GRIA3: variants seen among roughly 807,000 people sequenced by gnomAD.
GRIA3 encodes glutamate ionotropic receptor AMPA type subunit 3.
Under a neutral mutation model 63.0 loss-of-function variants are expected in GRIA3, and 3 were observed. The observed-to-expected ratio is 0.05, with a 90% CI of 0.02 to 0.12. The LOEUF is 0.12. Ranked by LOEUF, GRIA3 falls within the 10% of genes least tolerant of loss-of-function variation. The pLI is 1.00. For missense variants in GRIA3, 347 were observed against 700.9 expected (o/e 0.50, Z 5.70); for synonymous variants, 274 against 257.9 (o/e 1.06, Z -0.60).
intron 12 of GRIA3, among the ~76,000 whole-genome samples, chrX:123,463,609 AGG>A (rs2045809085): frequency 3.5e-5 from 1 of 28,185 alleles, no homozygotes; most frequent in Non-Finnish European, 6.4e-5. Flanking sequence ...GGAGGGAGGG[AGG>A]GAAAGAAAGA....
At chrX:123,414,970 A>T (rs1240152962) in intron 10 of GRIA3, among the ~76,000 whole-genome samples, 1 of 111,905 alleles carries the variant, frequency 8.9e-6, no homozygotes, top group Non-Finnish European at 1.9e-5. Context: ...TGGTATTTCT[A>T]GTTCTATATT....
chrX:123,308,099 G>A (rs80231457), intron 3 of GRIA3, among the ~76,000 whole-genome samples: 2 of 111,645 alleles, frequency 1.8e-5, no homozygotes, highest in African/African-American at 6.5e-5. Context: ...TCCCCTGCTA[G>A]CCCTACACTG....
At position 123,490,252 on chromosome X, in the gene GRIA3, A is replaced by G. The variant is rs989674933; in HGVS notation, c.*1542A>G. On this transcript the variant is annotated 3_prime_UTR_variant, in exon 16 of 16. Coordinates refer to ENST00000620443, the MANE Select transcript of GRIA3 (RefSeq NM_007325.5). The stretch of plus-strand genomic sequence containing the variant: ...TCGCTGCATATTTGCTCTTGTCTTC[A>G]GAAAAGAAAGGAAGAAGTATCGTTC... The G allele has an allele frequency of 1.8e-5, 2 of 112,994 alleles. No individual in the cohort carries two copies. The highest frequency in any genetic ancestry group is 3.7e-5 in the Non-Finnish European group (2 of 53,378). The allele number at this position is 112,994 out of a possible 1,213,427, so 9.3% of individuals were successfully genotyped here.
chrX:123,425,588 G>A (rs2045585227), intron 11 of GRIA3, among the ~76,000 whole-genome samples: 1 of 112,095 alleles, frequency 8.9e-6, no homozygotes, highest in African/African-American at 3.2e-5. Context: ...AGGTCTAAAT[G>A]CATAATCAAA....
chrX:123,464,974 A>G lies in GRIA3; in HGVS notation c.2186A>G (p.Lys729Arg), dbSNP rs2045827026. 3.3e-6 allele frequency: 4 copies of G among 1,210,809 alleles called. No individual in the cohort carries two copies. The highest frequency in any genetic ancestry group is 4.5e-6 in the Non-Finnish European group (4 of 894,731). The change falls in exon 13 of 16, where the codon AAG becomes AGG. Residue 729 changes from lysine to arginine, a missense_variant. Lys to Arg is a conservative substitution (Grantham distance 26). Coordinates refer to ENST00000620443, the MANE Select transcript of GRIA3 (RefSeq NM_007325.5). ...GGAGTGGCCCGAGTGCGAAAGTCCA[A>G]GGGAAAGTTCGCCTTCCTGCTGGAG... is the stretch of plus-strand genomic sequence containing the variant. ...ADGVARVRKS[K>R]GKFAFLLEST...
intron 11 of GRIA3, among the ~76,000 whole-genome samples, chrX:123,419,531 G>A (rs772367321): frequency 9.0e-6 from 1 of 110,688 alleles, no homozygotes; most frequent in Non-Finnish European, 1.9e-5. Context: ...GTCCAGAATA[G>A]GCAGTCTACA....
rs779180310 is a variant in GRIA3 at position 123,326,001 on chromosome X, T to C, written c.509-25T>C. On this transcript the variant is annotated intron_variant, in intron 3 of 15. Coordinates refer to ENST00000620443, the MANE Select transcript of GRIA3 (RefSeq NM_007325.5). ...TACCTACAGAAAGATTTTTAAATCA[T>C]TGAAGCTGTTTTTCCTTCCTTCAGG... 7.7e-6 allele frequency: 9 copies of C among 1,165,334 alleles called. No individual in the cohort carries two copies. In the East Asian group the frequency reaches 1.8e-4, roughly 23 times the overall value.
intron 10 of GRIA3, among the ~76,000 whole-genome samples, chrX:123,405,717 TAC>T (rs2045470267): frequency 8.9e-6 from 1 of 111,777 alleles, no homozygotes; most frequent in South Asian, 3.7e-4. Context: ...ACAGCAGTGA[TAC>T]TTGTTTCAGA....
chrX:123,485,501 T>C lies in GRIA3; in HGVS notation c.*2+2455T>C, dbSNP rs779464483. ...CTACTTCTAACCACCCATGGCCTGA[T>C]GTCCCCCAGGAAACTTGAAATCCTA... On this transcript the variant is annotated intron_variant, in intron 15 of 15. Coordinates refer to ENST00000620443, the MANE Select transcript of GRIA3 (RefSeq NM_007325.5). Among the ~76,000 whole-genome samples the C allele has an allele frequency of 3.1e-4, 35 of 111,734 alleles. 1 individual carries two copies. The South Asian group carries it at 6.5e-3, about 21-fold the overall frequency.
intron 2 of GRIA3, among the ~76,000 whole-genome samples, chrX:123,222,828 T>C (rs768966573): frequency 1.8e-5 from 2 of 111,936 alleles, no homozygotes; most frequent in South Asian, 7.5e-4. Context: ...ATGTCATGGG[T>C]TGTTCTGACT....
At chrX:123,340,508 T>C (rs974390942) in intron 4 of GRIA3, among the ~76,000 whole-genome samples, 5 of 111,981 alleles carry the variant, frequency 4.5e-5, no homozygotes, top group Non-Finnish European at 7.5e-5. Context: ...GTAGAGATTA[T>C]ATAGGAATTC....
At chrX:123,304,994 C>G (rs1396107611) in intron 3 of GRIA3, among the ~76,000 whole-genome samples, 2 of 111,533 alleles carry the variant, frequency 1.8e-5, no homozygotes, top group Non-Finnish European at 3.8e-5. Flanking sequence ...TCTTTCCACC[C>G]CATGGTTATA....
chrX:123,376,991 A>G (rs1021936355), intron 5 of GRIA3, among the ~76,000 whole-genome samples: 87 of 99,260 alleles, frequency 8.8e-4, no homozygotes, highest in Non-Finnish European at 1.5e-3. Flanking sequence ...CTGGAGTGCA[A>G]TGGCGCTATC....
intron 3 of GRIA3, among the ~76,000 whole-genome samples, chrX:123,309,519 A>G (rs1053737928): frequency 8.9e-6 from 1 of 111,982 alleles, no homozygotes; most frequent in Non-Finnish European, 1.9e-5. Flanking sequence ...GAACATTTGT[A>G]TTTGTTTTGA....
chrX:123,210,412 G>C (rs922720519), intron 2 of GRIA3, among the ~76,000 whole-genome samples: 19 of 111,031 alleles, frequency 1.7e-4, no homozygotes, highest in African/African-American at 5.9e-4. Context: ...TGACACACTG[G>C]TTTTATCCAC....
intron 5 of GRIA3, among the ~76,000 whole-genome samples, chrX:123,365,469 G>A (rs755523017): frequency 1.7e-4 from 19 of 108,680 alleles, no homozygotes; most frequent in African/African-American, 6.0e-4. Context: ...GAAGATAACA[G>A]ATAATGGAAA....
chrX:123,202,130 A>G (rs1927758925), intron 2 of GRIA3, among the ~76,000 whole-genome samples: 2 of 112,638 alleles, frequency 1.8e-5, no homozygotes, highest in Admixed American at 1.9e-4. Flanking sequence ...TTATGCTGGC[A>G]TGCATACAGC....
intron 3 of GRIA3, among the ~76,000 whole-genome samples, chrX:123,322,368 G>C (rs185780710): frequency 2.6e-4 from 29 of 112,340 alleles, no homozygotes; most frequent in Admixed American, 5.6e-4. Flanking sequence ...ATCAGAATGA[G>C]AGAATTTGCT....
chrX:123,250,580 A>G (rs1362014804), intron 2 of GRIA3, among the ~76,000 whole-genome samples: 2 of 111,538 alleles, frequency 1.8e-5, no homozygotes, highest in Admixed American at 9.5e-5. Context: ...CTATTTTTGT[A>G]TAGGATTCAT....
Sources: allele counts gnomAD v4.1 joint callset (sites outside exome capture counted in the v4.1 genomes callset), GRCh38; gene constraint gnomAD v4.1.1; transcripts MANE v1.5; gene names NCBI Gene and HGNC (gene_info 2026-07-23, HGNC 2026-07-21).